TMEM132D: variants seen among roughly 807,000 people sequenced by gnomAD.
TMEM132D encodes the protein mature OL transmembrane protein.
Under a neutral mutation model 62.3 loss-of-function variants are expected in TMEM132D, and 21 were observed. That is an observed-to-expected ratio of 0.34 (90% confidence interval 0.24 to 0.49). The LOEUF (loss-of-function observed/expected upper bound fraction) is 0.49. Ranked by LOEUF, TMEM132D falls within the 20% of genes least tolerant of loss-of-function variation. The pLI is 0.99. For missense variants in TMEM132D, 1,346 were observed against 1,402.8 expected, an observed-to-expected ratio of 0.96 and a Z score of 0.65; for synonymous variants, 621 against 575.6, an observed-to-expected ratio of 1.08 and a Z score of -1.13.
chr12:129,673,484 T>C (rs1880555289), intron 2 of TMEM132D, among the ~76,000 whole-genome samples: 1 of 152,164 alleles, frequency 6.6e-6, no homozygotes, highest in African/African-American at 2.4e-5. Context: ...ACATCAGCCA[T>C]GTACCAATCT....
chr12:129,480,766 G>A (rs1220864445), intron 3 of TMEM132D, among the ~76,000 whole-genome samples: 4 of 152,144 alleles, frequency 2.6e-5, no homozygotes, highest in East Asian at 1.9e-4. Context: ...GCTCTTCTGC[G>A]TTGCTGTTGT....
intron 1 of TMEM132D, among the ~76,000 whole-genome samples, chr12:129,828,927 G>A (rs942931924): frequency 4.0e-5 from 6 of 151,750 alleles, no homozygotes; most frequent in African/African-American, 1.2e-4. Flanking sequence ...CCTTGCCTGT[G>A]AAAGAGGTGG....
At chr12:129,195,438 T>C (rs1878521175) in intron 5 of TMEM132D, among the ~76,000 whole-genome samples, 1 of 151,570 alleles carries the variant, frequency 6.6e-6, no homozygotes, top group South Asian at 2.1e-4. Context: ...GGATTTTGAG[T>C]GGAGAAATAA....
chr12:129,494,584 T>C (rs1201280288), intron 3 of TMEM132D, among the ~76,000 whole-genome samples: 3 of 152,164 alleles, frequency 2.0e-5, no homozygotes, highest in African/African-American at 7.2e-5. Context: ...ATATAATAGA[T>C]TTTTCAGCTT....
chr12:129,216,886 A>G (rs572872379), intron 4 of TMEM132D, among the ~76,000 whole-genome samples: 1 of 152,336 alleles, frequency 6.6e-6, no homozygotes, highest in African/African-American at 2.4e-5. Flanking sequence ...AACTGATGCA[A>G]CCTGAAAGGG....
rs75736878 is a variant in TMEM132D, at chr12:129,771,810, C to T, written c.80-71112G>A. Among the ~76,000 whole-genome samples the T allele has an allele frequency of 7.1e-3, 1,077 of 152,314 alleles. 16 individuals carry two copies. The highest frequency in any genetic ancestry group is 0.025 in the African/African-American group (1,022 of 41,562). On this transcript the variant is annotated intron_variant, in intron 1 of 8. Coordinates refer to ENST00000422113, the MANE Select transcript of TMEM132D (RefSeq NM_133448.3). ...TTCAGGTAAACCTGTCAATCATATT[C>T]ACACACATATACATGCATGAAAGTT...
intron 1 of TMEM132D, among the ~76,000 whole-genome samples, chr12:129,823,063 T>G (rs1440798432): frequency 6.6e-6 from 1 of 152,120 alleles, no homozygotes; most frequent in African/African-American, 2.4e-5. Context: ...CATCGTGAGA[T>G]CTGGTTGTTT....
intron 5 of TMEM132D, among the ~76,000 whole-genome samples, chr12:129,120,029 A>G (rs1162539848): frequency 2.0e-5 from 3 of 152,118 alleles, no homozygotes; most frequent in Non-Finnish European, 4.4e-5. Flanking sequence ...AAGAGCAGAG[A>G]AATAATAAAA....
At chr12:129,464,013 C>T (rs1244601699) in intron 3 of TMEM132D, among the ~76,000 whole-genome samples, 56 of 150,580 alleles carry the variant, frequency 3.7e-4, no homozygotes, top group South Asian at 8.7e-4. Flanking sequence ...CTGGGTCAAA[C>T]GGTATTTCTA....
intron 5 of TMEM132D, among the ~76,000 whole-genome samples, chr12:129,123,512 G>A (rs1876123288): frequency 6.6e-6 from 1 of 152,072 alleles, no homozygotes; most frequent in South Asian, 2.1e-4. Context: ...CTGTCTATGT[G>A]GGGTCTCCAG....
At chr12:129,766,549 T>C (rs1593153632) in intron 1 of TMEM132D, among the ~76,000 whole-genome samples, 1 of 152,198 alleles carries the variant, frequency 6.6e-6, no homozygotes, top group African/African-American at 2.4e-5. Flanking sequence ...AAAGGGCTAT[T>C]TGAGCTGCCC....
intron 3 of TMEM132D, among the ~76,000 whole-genome samples, chr12:129,425,615 T>C (rs1055619139): frequency 2.0e-5 from 3 of 152,218 alleles, no homozygotes; most frequent in Non-Finnish European, 4.4e-5. Flanking sequence ...AAATGCCTTC[T>C]GTTTCTGGAG....
intron 4 of TMEM132D, among the ~76,000 whole-genome samples, chr12:129,260,305 A>G (rs61641589): frequency 0.025 from 3,860 of 152,216 alleles, 164 homozygotes; most frequent in African/African-American, 0.088. Flanking sequence ...GCTGAAATGA[A>G]CAAAGAGGAG....
At chr12:129,658,652 G>A (rs1391108438) in intron 2 of TMEM132D, among the ~76,000 whole-genome samples, 5 of 152,190 alleles carry the variant, frequency 3.3e-5, no homozygotes, top group African/African-American at 4.8e-5. Flanking sequence ...TGAGACTGCA[G>A]CCTAAGAAGC....
intron 1 of TMEM132D, among the ~76,000 whole-genome samples, chr12:129,799,304 A>T (rs1455964419): frequency 3.3e-5 from 5 of 151,384 alleles, no homozygotes; most frequent in Admixed American, 6.6e-5. Flanking sequence ...ACAAACAAAA[A>T]ATATATATAT....
chr12:129,658,491 CAA>C (rs1880152713), intron 2 of TMEM132D, among the ~76,000 whole-genome samples: 1 of 152,160 alleles, frequency 6.6e-6, no homozygotes, highest in African/African-American at 2.4e-5. Flanking sequence ...ACTAGATTAG[CAA>C]ACACCAAATG....
intron 8 of TMEM132D, among the ~76,000 whole-genome samples, chr12:129,075,261 AAAC>A (rs1271715790): frequency 6.6e-6 from 1 of 152,178 alleles, no homozygotes; most frequent in Non-Finnish European, 1.5e-5. Flanking sequence ...AAGCAAAATA[AAAC>A]AACAACAAAA....
At chr12:129,399,002 A>G (rs1871518840) in intron 3 of TMEM132D, among the ~76,000 whole-genome samples, 1 of 152,218 alleles carries the variant, frequency 6.6e-6, no homozygotes, top group African/African-American at 2.4e-5. Flanking sequence ...TCAAGGGGCC[A>G]CATTTGGCAG....
At chr12:129,386,785 C>T (rs957718371) in intron 3 of TMEM132D, among the ~76,000 whole-genome samples, 1 of 151,364 alleles carries the variant, frequency 6.6e-6, no homozygotes, top group Admixed American at 6.6e-5. Context: ...ATACTATATG[C>T]CAACACCAAC....
Sources: allele counts gnomAD v4.1 joint callset (sites outside exome capture counted in the v4.1 genomes callset), GRCh38; gene constraint gnomAD v4.1.1; transcripts MANE v1.5; gene names NCBI Gene and HGNC (gene_info 2026-07-23, HGNC 2026-07-21).